Variants in PAK2 observed in about 807,000 individuals in gnomAD.
The protein encoded by PAK2 is serine/threonine-protein kinase PAK 2.
In PAK2, 21 loss-of-function variants were observed where a neutral mutation model predicts 65.9. The observed-to-expected ratio is 0.32, with a 90% confidence interval of 0.23 to 0.46. The LOEUF (loss-of-function observed/expected upper bound fraction) is 0.46. Among genes scored for constraint, PAK2 ranks in the 20% least tolerant of loss-of-function variants. PAK2 has a pLI of 1.00. For synonymous variants in PAK2, 204 were observed against 219.7 expected, an observed-to-expected ratio of 0.93 and a Z score of 0.63; for missense variants, 324 against 642.6, an observed-to-expected ratio of 0.50 and a Z score of 5.36.
intron 1 of PAK2, among the ~76,000 whole-genome samples, chr3:196,751,496 A>G (rs1713577428): frequency 6.6e-6 from 1 of 150,546 alleles, no homozygotes; most frequent in South Asian, 2.1e-4. Flanking sequence ...AAAAATAGAA[A>G]AATTAGCCAG....
chr3:196,786,637 TC>T (rs1221057914), intron 2 of PAK2, among the ~76,000 whole-genome samples: 1 of 152,204 alleles, frequency 6.6e-6, no homozygotes, highest in Non-Finnish European at 1.5e-5. Flanking sequence ...TTCACTTTTT[TC>T]TTTAAACTTG....
In PAK2 at chr3:196,820,311, G is replaced by A; in HGVS notation, c.1154-60G>A. 1.1e-6 allele frequency: 1 copy of A among 927,620 alleles called. No individual in the cohort carries two copies. Among genetic ancestry groups the A allele is most frequent in the East Asian group, 2.7e-5 (1 of 37,168 alleles). The allele number at this position is 927,620 out of a possible 1,614,324, so 57.5% of individuals were successfully genotyped here. On this transcript the variant is annotated intron_variant, in intron 12 of 14. Coordinates refer to ENST00000327134, the MANE Select transcript of PAK2 (RefSeq NM_002577.4). This position sits in a 1 kb window ranked among gnomAD's most constrained non-coding sequence, Gnocchi z 4.6. ...TATAATTAATTACATAATCTGAAGT[G>A]AACTCTTCTGCTAAAACCATCCATG...
intron 1 of PAK2, among the ~76,000 whole-genome samples, chr3:196,780,470 AACCATCAGATCACGTGAGATGT>A (rs1487332373): frequency 6.6e-6 from 1 of 152,164 alleles, no homozygotes; most frequent in African/African-American, 2.4e-5. Context: ...TTCTTTTTAA[AACCATCAGATCACGTGAGATGT>A]ACTCCCTATC....
chr3:196,766,931 C>CGTGTGT (rs60929724), intron 1 of PAK2, among the ~76,000 whole-genome samples: 13,506 of 134,250 alleles, frequency 0.1, 804 homozygotes, highest in Admixed American at 0.15. Flanking sequence ...AAGTACACCC[C>CGTGTGT]GTGTGTGTGT....
intron 1 of PAK2, among the ~76,000 whole-genome samples, chr3:196,769,781 C>T (rs1714303430): frequency 1.3e-5 from 2 of 151,882 alleles, no homozygotes; most frequent in South Asian, 4.1e-4. Flanking sequence ...CATGCCACTG[C>T]ACTCCAGCCT....
intron 8 of PAK2, among the ~76,000 whole-genome samples, chr3:196,811,231 T>TCCCTTCCTTCCCTCCCTTCCTTCCC (rs1560113637): frequency 3.5e-4 from 1 of 2,864 alleles, no homozygotes; most frequent in African/African-American, 1.2e-3. Flanking sequence ...CTCCCTTCCC[T>TCCCTTCCTTCCCTCCCTTCCTTCCC]TCCCTTCCTT....
intron 1 of PAK2, among the ~76,000 whole-genome samples, chr3:196,762,673 G>A (rs773857042): frequency 4.6e-5 from 7 of 151,728 alleles, no homozygotes; most frequent in Admixed American, 2.6e-4. Context: ...GAGGGAGACC[G>A]TGGGGAGAGG....
At position 196,808,353 on chromosome 3, in the gene PAK2, G is replaced by A. The variant is rs994428631; in HGVS notation, c.709+439G>A. On this transcript the variant is annotated intron_variant, in intron 7 of 14. Transcript: ENST00000327134. Reference sequence around the variant, plus strand: ...CGAGGTGGGCGGATCACAAGGTCAGGAGATCGAGACCATCCTGGCCAGTAT... The same window carrying A: ...CGAGGTGGGCGGATCACAAGGTCAGAAGATCGAGACCATCCTGGCCAGTAT... Among the ~76,000 whole-genome samples, 8 of 150,674 alleles carry A rather than the reference G, an allele frequency of 5.3e-5. No homozygotes were observed. In the East Asian group the frequency reaches 1.4e-3, roughly 26 times the overall value.
At chr3:196,814,314 C>T (rs1196112532) in intron 10 of PAK2, 137 bp from the exon 11 acceptor site, 1 of 595,072 alleles carries the variant, frequency 1.7e-6, no homozygotes, top group Admixed American at 3.1e-5. Context: ...AGCAGCTTTC[C>T]AGTTTTCTTC....
intron 1 of PAK2, among the ~76,000 whole-genome samples, chr3:196,756,848 AAG>A (rs1226659002): frequency 1.3e-5 from 2 of 152,220 alleles, no homozygotes; most frequent in African/African-American, 2.4e-5. Context: ...AAAAGAAAGA[AAG>A]AAACAAAATG....
chr3:196,793,081 A>AGG (rs1295225305), intron 2 of PAK2, among the ~76,000 whole-genome samples: 2 of 152,148 alleles, frequency 1.3e-5, no homozygotes. Context: ...GCTGAGGAGA[A>AGG]GGGGGATTAG....
At chr3:196,765,436 A>C (rs920227218) in intron 1 of PAK2, among the ~76,000 whole-genome samples, 29 of 152,124 alleles carry the variant, frequency 1.9e-4, no homozygotes, top group African/African-American at 6.5e-4. Context: ...GGTGCGAGCC[A>C]CCGCATCCAG....
rs1216755674 is a variant in PAK2 at position 196,742,634 on chromosome 3, G to A, written c.-22+2477G>A. On this transcript the variant is annotated intron_variant, in intron 1 of 14. Transcript: ENST00000327134. ...TAAAATTTGAAACTGGGTCTTCTTC[G>A]CCGGGCGCGGTGGCTCACGCCTGTA... Among the ~76,000 whole-genome samples, 2 of 151,990 alleles carry A rather than the reference G, an allele frequency of 1.3e-5. 1 individual carries two copies. The highest frequency in any genetic ancestry group is 4.1e-4 in the South Asian group (2 of 4,830).
At chr3:196,747,009 T>C (rs1713405751) in intron 1 of PAK2, among the ~76,000 whole-genome samples, 1 of 152,106 alleles carries the variant, frequency 6.6e-6, no homozygotes, top group Non-Finnish European at 1.5e-5. Flanking sequence ...TCATTTCCTT[T>C]TTTTTATTAG....
At chr3:196,783,885 G>A (rs1714795956) in intron 2 of PAK2, among the ~76,000 whole-genome samples, 1 of 152,202 alleles carries the variant, frequency 6.6e-6, no homozygotes, top group Non-Finnish European at 1.5e-5. Flanking sequence ...ACTTGTTGAT[G>A]TATGTGGTGT....
At chr3:196,759,801 A>G (rs1560093027) in intron 1 of PAK2, among the ~76,000 whole-genome samples, 1 of 152,050 alleles carries the variant, frequency 6.6e-6, no homozygotes, top group African/African-American at 2.4e-5. Context: ...CCGGGATTAC[A>G]GGCGTGAGTC....
chr3:196,821,417 G>T (rs1711647361), intron 13 of PAK2, among the ~76,000 whole-genome samples: 1 of 152,018 alleles, frequency 6.6e-6, no homozygotes, highest in Non-Finnish European at 1.5e-5. Flanking sequence ...AATAAATATT[G>T]GTGACCGGGT....
intron 12 of PAK2, among the ~76,000 whole-genome samples, chr3:196,819,270 C>A (rs1288916297): frequency 6.6e-6 from 1 of 151,938 alleles, no homozygotes; most frequent in African/African-American, 2.4e-5. Flanking sequence ...GGCAAGACTC[C>A]ATCTCTACTA....
intron 1 of PAK2, among the ~76,000 whole-genome samples, chr3:196,780,177 T>A (rs1401722177): frequency 1.3e-5 from 2 of 152,232 alleles, no homozygotes; most frequent in South Asian, 4.1e-4. Flanking sequence ...CTGCCCTCAT[T>A]TCTTCCTTAG....
Sources: gnomAD v4.1 joint callset for allele counts (sites outside exome capture counted in the v4.1 genomes callset) on GRCh38, gnomAD v4.1.1 for gene constraint, Gnocchi (gnomAD v3.1) non-coding constraint, MANE v1.5 for transcripts, NCBI Gene and HGNC (gene_info 2026-07-23, HGNC 2026-07-21) for gene names.